The following CTNNA3 variants were observed in gnomAD, a reference collection of about 807,000 sequenced individuals.
CTNNA3 encodes the protein catenin alpha-3.
A neutral mutation model predicts 95.7 loss-of-function variants in CTNNA3; 76 were observed. That is an observed-to-expected ratio of 0.79 (90% confidence interval 0.66 to 0.96). The LOEUF is 0.96. Among genes scored for constraint, CTNNA3 ranks in the 40% least tolerant of loss-of-function variants. The pLI is 0.00. For missense variants in CTNNA3, 1,191 were observed against 1,089.8 expected (o/e 1.09, Z -1.31); for synonymous variants, 431 against 374.4 (o/e 1.15, Z -1.74).
intron 15 of CTNNA3, among the ~76,000 whole-genome samples, chr10:66,009,503 T>C (rs901484449): frequency 5.9e-5 from 9 of 152,152 alleles, no homozygotes; most frequent in Admixed American, 6.5e-5. Context: ...AAGGCTACAA[T>C]GTTTACGTTT....
At chr10:66,955,399 T>C (rs572383559) in intron 7 of CTNNA3, among the ~76,000 whole-genome samples, 1 of 152,294 alleles carries the variant, frequency 6.6e-6, no homozygotes, top group African/African-American at 2.4e-5. Flanking sequence ...ATTCTCACAA[T>C]CACCCTATGA....
At chr10:67,047,133 T>A (rs1223791093) in intron 7 of CTNNA3, among the ~76,000 whole-genome samples, 4 of 152,156 alleles carry the variant, frequency 2.6e-5, no homozygotes, top group Non-Finnish European at 2.9e-5. Context: ...ACACTTATCT[T>A]CTCCCATCCC....
chr10:66,735,099 G>T (rs1289337438), intron 9 of CTNNA3, among the ~76,000 whole-genome samples: 1 of 151,294 alleles, frequency 6.6e-6, no homozygotes, highest in Non-Finnish European at 1.5e-5. Flanking sequence ...AACAGACTAG[G>T]CAACAGTGAA....
chr10:66,561,406 T>C (rs1488568796), intron 10 of CTNNA3, among the ~76,000 whole-genome samples: 1 of 152,150 alleles, frequency 6.6e-6, no homozygotes, highest in East Asian at 1.9e-4. Context: ...TTACATATAT[T>C]GTCTTAATTA....
chr10:67,231,434 G>C (rs549654337), intron 5 of CTNNA3, among the ~76,000 whole-genome samples: 33 of 152,150 alleles, frequency 2.2e-4, no homozygotes, highest in African/African-American at 6.3e-4. Context: ...TCACAGGGCC[G>C]GGTACTCCAA....
At chr10:66,440,932 T>A (rs1286369399) in intron 11 of CTNNA3, among the ~76,000 whole-genome samples, 1 of 152,158 alleles carries the variant, frequency 6.6e-6, no homozygotes, top group African/African-American at 2.4e-5. Flanking sequence ...AACAATGTGA[T>A]GTTTATATCA....
In CTNNA3 at chr10:67,420,828, C is replaced by T. The variant is rs74144444; in HGVS notation, c.579+101014G>A. 3.0e-3 allele frequency among the ~76,000 whole-genome samples: 459 copies of T among 152,092 alleles called. 1 individual carries two copies. The highest frequency in any genetic ancestry group is 0.011 in the African/African-American group (437 of 41,508). On this transcript the variant is annotated intron_variant, in intron 5 of 17. Transcript: ENST00000433211. ...AAACCAAATTGTAAAATAGTTGTTT[C>T]TTATTATTGATATTAATACGTATAA...
At chr10:66,479,895 A>T (rs1223543222) in intron 11 of CTNNA3, among the ~76,000 whole-genome samples, 1 of 151,964 alleles carries the variant, frequency 6.6e-6, no homozygotes, top group African/African-American at 2.4e-5. Context: ...GCACATTCTC[A>T]TCAAGAGATC....
chr10:67,481,133 T>C (rs962264344), intron 5 of CTNNA3, among the ~76,000 whole-genome samples: 11 of 152,096 alleles, frequency 7.2e-5, no homozygotes, highest in Non-Finnish European at 1.0e-4. Context: ...GACCTCAAAA[T>C]AATAAGAACC....
intron 3 of CTNNA3, among the ~76,000 whole-genome samples, chr10:67,580,348 C>A (rs1176403566): frequency 2.6e-5 from 4 of 151,970 alleles, no homozygotes; most frequent in Non-Finnish European, 5.9e-5. Flanking sequence ...TCAGGTTTGT[C>A]AAAGATCAGA....
intron 13 of CTNNA3, among the ~76,000 whole-genome samples, chr10:66,245,574 T>A (rs2090283927): frequency 6.6e-6 from 1 of 152,114 alleles, no homozygotes; most frequent in Non-Finnish European, 1.5e-5. Flanking sequence ...CTCACAGAAG[T>A]CCCACAGAGG....
In CTNNA3 at chr10:67,121,040, G is replaced by T. The variant is rs184878779; in HGVS notation, c.1047+59277C>A. 5.2e-3 allele frequency among the ~76,000 whole-genome samples: 784 copies of T among 152,118 alleles called. 6 individuals are homozygous for T. The highest frequency in any genetic ancestry group is 0.018 in the African/African-American group (732 of 41,538). ...TCTCTTTCAATTTTACCACACCAAT[G>T]ATATTCACTGAGCAAGATTCCAAAA... On this transcript the variant is annotated intron_variant, in intron 7 of 17. Coordinates refer to ENST00000433211, the MANE Select transcript of CTNNA3 (RefSeq NM_013266.4).
chr10:66,050,859 T>C (rs981159182), intron 15 of CTNNA3, among the ~76,000 whole-genome samples: 1 of 89,726 alleles, frequency 1.1e-5, no homozygotes, highest in Non-Finnish European at 2.6e-5. Context: ...CATTTCTTAC[T>C]TTTTTTTTTT....
intron 7 of CTNNA3, among the ~76,000 whole-genome samples, chr10:66,908,684 A>T (rs10822940): frequency 0.11 from 17,286 of 151,712 alleles, 1,543 homozygotes; most frequent in East Asian, 0.37. Flanking sequence ...GTTTTTTTTT[A>T]AAAAAATTCA....
At chr10:66,148,656 T>G (rs1377690585) in intron 13 of CTNNA3, among the ~76,000 whole-genome samples, 1 of 152,026 alleles carries the variant, frequency 6.6e-6, no homozygotes, top group African/African-American at 2.4e-5. Flanking sequence ...GAGCCCTCAT[T>G]TGACACCAGA....
chr10:67,306,222 A>T (rs1262539337), intron 5 of CTNNA3, among the ~76,000 whole-genome samples: 1 of 152,116 alleles, frequency 6.6e-6, no homozygotes, highest in Admixed American at 6.5e-5. Context: ...AGATGGGAGG[A>T]ACTGGAACCT....
At chr10:66,881,631 C>T (rs1360227867) in intron 7 of CTNNA3, among the ~76,000 whole-genome samples, 1 of 151,952 alleles carries the variant, frequency 6.6e-6, no homozygotes, top group Non-Finnish European at 1.5e-5. Flanking sequence ...TGGGTGTGGG[C>T]CCTTGGGTAT....
Position 66,678,120 on chromosome 10 carries a change from A to T in CTNNA3, c.1282-56336T>A, listed in dbSNP as rs1388396020. Among the ~76,000 whole-genome samples, 3 of 152,198 alleles carry T rather than the reference A, an allele frequency of 2.0e-5. No individual in the cohort carries two copies. In the East Asian group the frequency reaches 5.8e-4, roughly 29 times the overall value. On this transcript the variant is annotated intron_variant, in intron 9 of 17. Coordinates refer to ENST00000433211, the MANE Select transcript of CTNNA3 (RefSeq NM_013266.4). ...AAGATTGTAAATAATAATGACAATG[A>T]CAACAAAATATGCTTTCCCTTGTCA... is the stretch of plus-strand genomic sequence containing the variant.
At chr10:67,337,905 T>A (rs1842052882) in intron 5 of CTNNA3, among the ~76,000 whole-genome samples, 2 of 152,228 alleles carry the variant, frequency 1.3e-5, no homozygotes, top group Non-Finnish European at 2.9e-5. Context: ...AACATAACTT[T>A]TATATGCACT....
Sources: allele counts gnomAD v4.1 joint callset (sites outside exome capture counted in the v4.1 genomes callset), GRCh38; gene constraint gnomAD v4.1.1; transcripts MANE v1.5; gene names NCBI Gene and HGNC (gene_info 2026-07-23, HGNC 2026-07-21).